Variants in RBPJ observed in about 807,000 individuals in gnomAD.
RBPJ encodes recombination signal binding protein for immunoglobulin kappa J region, also known as recombining binding protein suppressor of hairless.
RBPJ carries 9 observed loss-of-function variants against 67.8 expected under a neutral mutation model. The observed-to-expected ratio is 0.13, with a 90% CI of 0.08 to 0.23. RBPJ has a LOEUF of 0.23. Ranked by LOEUF, RBPJ falls within the 10% of genes least tolerant of loss-of-function variation. The probability of loss-of-function intolerance (pLI) is 1.00; values close to 1 mark genes in which losing one functional copy is unlikely to be tolerated. For missense variants in RBPJ, 305 were observed against 595.6 expected, an observed-to-expected ratio of 0.51 and a Z score of 5.08; for synonymous variants, 198 against 203.3, an observed-to-expected ratio of 0.97 and a Z score of 0.22.
the RBPJ span, among the ~76,000 whole-genome samples, chr4:26,155,273 G>A: frequency 6.6e-6 from 1 of 152,104 alleles, no homozygotes; most frequent in East Asian, 1.9e-4. Flanking sequence ...TTTTCTAAGT[G>A]ACCAGCTGAG....
At chr4:26,147,483 G>A in the RBPJ span, among the ~76,000 whole-genome samples, 1 of 152,162 alleles carries the variant, frequency 6.6e-6, no homozygotes, top group Non-Finnish European at 1.5e-5. Context: ...ACTTCTCCCA[G>A]GTATACCAAG....
the RBPJ span, among the ~76,000 whole-genome samples, chr4:26,151,336 C>T: frequency 3.3e-5 from 5 of 152,214 alleles, no homozygotes; most frequent in Non-Finnish European, 5.9e-5. Context: ...AGTAATCTAA[C>T]TTTCTCTTTT....
At chr4:26,215,262 A>AGGGC (rs1321708928) in intron 1 of RBPJ, among the ~76,000 whole-genome samples, 1 of 76,608 alleles carries the variant, frequency 1.3e-5, no homozygotes. Context: ...AAAGAAAGGA[A>AGGGC]GGGAGGGAGG....
chr4:26,323,132 C>G (rs1455851586), intron 1 of RBPJ, among the ~76,000 whole-genome samples: 1 of 151,520 alleles, frequency 6.6e-6, no homozygotes, highest in Non-Finnish European at 1.5e-5. Flanking sequence ...TAATGGAAAA[C>G]CATGTTTTCA....
intron 1 of RBPJ, among the ~76,000 whole-genome samples, chr4:26,327,864 C>T (rs1333216448): frequency 1.3e-5 from 2 of 151,880 alleles, no homozygotes; most frequent in African/African-American, 2.4e-5. Context: ...GTTTTTCACT[C>T]TATAAAACTT....
chr4:26,266,964 A>G (rs981336657), intron 1 of RBPJ, among the ~76,000 whole-genome samples: 2 of 152,208 alleles, frequency 1.3e-5, no homozygotes, highest in Non-Finnish European at 2.9e-5. Context: ...AAAGCTCTAT[A>G]GAGGTTCTTT....
chr4:26,276,474 T>C (rs1401195606), intron 1 of RBPJ, among the ~76,000 whole-genome samples: 1 of 152,102 alleles, frequency 6.6e-6, no homozygotes, highest in Non-Finnish European at 1.5e-5. Context: ...GCATGCTACA[T>C]GTCCCAATGA....
downstream of RBPJ, chr4:26,435,088 TTAAC>T (rs1458496592): frequency 6.6e-6 from 1 of 152,210 alleles, no homozygotes; most frequent in Non-Finnish European, 1.5e-5. Context: ...GTCAATGTTT[TTAAC>T]TATATAGTGC....
At chr4:26,112,629 T>C in the RBPJ span, 3 of 148,304 alleles carry the variant, frequency 2.0e-5, 1 homozygote, top group South Asian at 6.4e-4. Flanking sequence ...TGGAAGAACT[T>C]TCACTGTTGA....
At chr4:26,415,763 A>G (rs1734523121) in intron 4 of RBPJ, 123 bp downstream of exon 4, 2 of 944,052 alleles carry the variant, frequency 2.1e-6, no homozygotes, top group Non-Finnish European at 1.6e-6. Flanking sequence ...TCTTGAATAT[A>G]TAAACTAGGA....
chr4:26,144,267 C>CTTTTTTT, the RBPJ span, among the ~76,000 whole-genome samples: 13 of 106,064 alleles, frequency 1.2e-4, no homozygotes, highest in African/African-American at 2.6e-4. Context: ...TAAGAAAATT[C>CTTTTTTT]TTTTTTTTTT....
In RBPJ at chr4:26,257,628, T is replaced by G. The variant is rs149367553; in HGVS notation, c.-167+94014T>G. 3.2e-4 allele frequency among the ~76,000 whole-genome samples: 49 copies of G among 152,266 alleles called. No homozygotes were observed. In the East Asian group the frequency reaches 9.1e-3, roughly 28 times the overall value. On this transcript the variant is annotated intron_variant, in intron 1 of 4. Coordinates refer to the RBPJ transcript ENST00000512351. ...TGGGTAACAAGAGTGAAACTCTGTC[T>G]CAAAAAAAGAGAAGTGGAGTCATGC...
At chr4:26,282,136 CTTTTT>C (rs869155604) in intron 1 of RBPJ, among the ~76,000 whole-genome samples, 2 of 51,852 alleles carry the variant, frequency 3.9e-5, no homozygotes, top group East Asian at 7.6e-4. Flanking sequence ...CTCTCTCTCT[CTTTTT>C]TTTTTTTTTT....
At chr4:26,358,784 TAAAA>T (rs56969605) in intron 1 of RBPJ, among the ~76,000 whole-genome samples, 1 of 147,210 alleles carries the variant, frequency 6.8e-6, no homozygotes, top group African/African-American at 2.5e-5. Flanking sequence ...TCTTGTCTCT[TAAAA>T]AAAAAAAAAA....
intron 3 of RBPJ, among the ~76,000 whole-genome samples, chr4:26,407,029 TC>T (rs1228744713): frequency 6.6e-6 from 1 of 152,226 alleles, no homozygotes. Context: ...TTAATAAAGG[TC>T]ATCTGGTTAA....
At chr4:26,349,967 GCT>G (rs1476524127) in intron 1 of RBPJ, among the ~76,000 whole-genome samples, 1 of 152,096 alleles carries the variant, frequency 6.6e-6, no homozygotes, top group African/African-American at 2.4e-5. Flanking sequence ...AGCAGATAAT[GCT>G]CTCACTGTTA....
At chr4:26,126,264 G>C in the RBPJ span, among the ~76,000 whole-genome samples, 1 of 152,210 alleles carries the variant, frequency 6.6e-6, no homozygotes, top group Admixed American at 6.5e-5. Context: ...GAGGCTTTTA[G>C]CCTAGGAAGG....
In RBPJ at chr4:26,348,140, T is replaced by C. The variant is rs550788403; in HGVS notation, c.20+27092T>C. Among the ~76,000 whole-genome samples, 6 of 152,168 alleles carry C rather than the reference T, an allele frequency of 3.9e-5. No individual in the cohort carries two copies. In the East Asian group the frequency reaches 1.2e-3, roughly 29 times the overall value. On this transcript the variant is annotated intron_variant, in intron 1 of 10. Coordinates refer to ENST00000355476, the MANE Select transcript of RBPJ (RefSeq NM_015874.6). Reference sequence around the variant, plus strand: ...CCACGCCTGGCTAATTTTGTATTTTTAGTAGAGATGGGGTTTCACCACGGT... The same window carrying C: ...CCACGCCTGGCTAATTTTGTATTTTCAGTAGAGATGGGGTTTCACCACGGT...
chr4:26,285,756 A>G (rs1721444426), intron 1 of RBPJ, among the ~76,000 whole-genome samples: 1 of 151,604 alleles, frequency 6.6e-6, no homozygotes, highest in Non-Finnish European at 1.5e-5. Flanking sequence ...TCTTCCAACC[A>G]GAATGCAATC....
Sources: gnomAD v4.1 joint callset for allele counts (sites outside exome capture counted in the v4.1 genomes callset) on GRCh38, gnomAD v4.1.1 for gene constraint, MANE v1.5 for transcripts, NCBI Gene and HGNC (gene_info 2026-07-23, HGNC 2026-07-21) for gene names.